The following NRG2 variants were observed in gnomAD, a reference collection of about 807,000 sequenced individuals.
NRG2 encodes the protein pro-neuregulin-2, membrane-bound isoform.
NRG2 carries 27 observed loss-of-function variants against 73.9 expected under a neutral mutation model. The observed-to-expected ratio is 0.37, with a 90% confidence interval of 0.27 to 0.50. The LOEUF (loss-of-function observed/expected upper bound fraction) is 0.50, where lower values mean the gene tolerates loss of function less well. Among genes scored for constraint, NRG2 ranks in the 20% least tolerant of loss-of-function variants. The probability of loss-of-function intolerance (pLI) is 0.96; values close to 1 mark genes in which losing one functional copy is unlikely to be tolerated. For synonymous variants in NRG2, 532 were observed against 541.0 expected (o/e 0.98, Z 0.23); for missense variants, 1,126 against 1,210.1 (o/e 0.93, Z 1.03).
intron 1 of NRG2, among the ~76,000 whole-genome samples, chr5:140,006,179 A>G (rs1758882907): frequency 1.3e-5 from 2 of 152,336 alleles, no homozygotes; most frequent in African/African-American, 2.4e-5. Context: ...TGTGATCAGT[A>G]CATGTTCTGC....
chr5:139,904,168 G>T lies in NRG2; in HGVS notation c.701-16657C>A. 2.5e-6 allele frequency: 2 copies of T among 809,398 alleles called. No individual in the cohort carries two copies. The highest frequency in any genetic ancestry group is 3.4e-6 in the Non-Finnish European group (2 of 585,606). The allele number at this position is 809,398 out of a possible 1,614,324, so 50.1% of individuals were successfully genotyped here. A position where few individuals can be genotyped will look rare whatever the true frequency, so the allele number is the denominator to read the frequency against. ...GCCGCGACGACCCGCTCGCACGCAG[G>T]CACGCGCGCCCTCGGTGCCTGTCAC... On this transcript the variant is annotated intron_variant, in intron 1 of 9. Transcript: ENST00000361474. The surrounding 1 kb of genome is among the most constrained non-coding windows in gnomAD (Gnocchi z 6.0).
chr5:140,022,409 A>G (rs1760315260), intron 1 of NRG2, among the ~76,000 whole-genome samples: 1 of 152,104 alleles, frequency 6.6e-6, no homozygotes, highest in South Asian at 2.1e-4. Flanking sequence ...TTATGATTTC[A>G]CCATTTGCCA....
rs921680869 is a variant in NRG2, at chr5:139,856,875, C to T, written c.1190-1097G>A. 6.6e-6 allele frequency among the ~76,000 whole-genome samples: 1 copy of T among 152,186 alleles called. No homozygotes were observed. Among genetic ancestry groups the T allele is most frequent in the African/African-American group, 2.4e-5 (1 of 41,428 alleles). On this transcript the variant is annotated intron_variant, in intron 5 of 9. Coordinates refer to ENST00000361474, the MANE Select transcript of NRG2 (RefSeq NM_004883.3). This position sits in a 1 kb window ranked among gnomAD's most constrained non-coding sequence, Gnocchi z 4.2. ...ACAGGTGCACACACACGCCCATGCC[C>T]ACTGACACACAGTTGGATGGAGTTG...
intron 1 of NRG2, among the ~76,000 whole-genome samples, chr5:140,027,607 T>C (rs998989496): frequency 6.6e-6 from 1 of 152,252 alleles, no homozygotes; most frequent in African/African-American, 2.4e-5. Flanking sequence ...TATATTGTTA[T>C]AATTGTTCTG....
chr5:139,959,120 G>C (rs1754865604), intron 1 of NRG2, among the ~76,000 whole-genome samples: 1 of 152,238 alleles, frequency 6.6e-6, no homozygotes, highest in Non-Finnish European at 1.5e-5. Context: ...CCACCACTGA[G>C]AAGGTGAGCA....
intron 1 of NRG2, among the ~76,000 whole-genome samples, chr5:139,922,851 GA>G (rs1175368748): frequency 1.3e-5 from 2 of 152,206 alleles, no homozygotes; most frequent in Non-Finnish European, 2.9e-5. Flanking sequence ...AAGCCAATCG[GA>G]AAAGGCTACA....
At position 139,852,240 on chromosome 5, in the gene NRG2, T is replaced by C. The variant is rs1761485661; in HGVS notation, c.1544+192A>G. ...AGAAGGGAGCCAGCCATGTTATTTTTGAGTTGTCTGAGCCTTTGTGCTGTG... is the reference window on the plus strand; with the variant it reads ...AGAAGGGAGCCAGCCATGTTATTTTCGAGTTGTCTGAGCCTTTGTGCTGTG... On this transcript the variant is annotated intron_variant, in intron 8 of 9. Coordinates refer to ENST00000361474, the MANE Select transcript of NRG2 (RefSeq NM_004883.3). This position sits in a 1 kb window ranked among gnomAD's most constrained non-coding sequence, Gnocchi z 4.4. Among the ~76,000 whole-genome samples the C allele has an allele frequency of 6.6e-6, 1 of 152,196 alleles. No homozygotes were observed. The highest frequency in any genetic ancestry group is 1.5e-5 in the Non-Finnish European group (1 of 68,030).
chr5:139,910,649 C>A (rs897609951), intron 1 of NRG2, among the ~76,000 whole-genome samples: 4 of 152,170 alleles, frequency 2.6e-5, no homozygotes, highest in African/African-American at 9.7e-5. Context: ...AGGCCCTTTC[C>A]AATAGTGATT....
intron 1 of NRG2, among the ~76,000 whole-genome samples, chr5:139,926,837 G>A (rs1017708983): frequency 6.6e-6 from 1 of 152,134 alleles, no homozygotes; most frequent in Non-Finnish European, 1.5e-5. Context: ...TCCCTCCATG[G>A]ATTGAATCTC....
intron 1 of NRG2, among the ~76,000 whole-genome samples, chr5:139,922,702 A>G (rs946716013): frequency 1.3e-5 from 2 of 152,262 alleles, no homozygotes; most frequent in Admixed American, 6.5e-5. Context: ...AGCTACCAAG[A>G]TGTCCTTCAG....
intron 1 of NRG2, among the ~76,000 whole-genome samples, chr5:139,982,384 C>T (rs1000663147): frequency 2.0e-5 from 3 of 152,008 alleles, no homozygotes; most frequent in African/African-American, 7.2e-5. Context: ...GGATCCAAAC[C>T]GCCAGGACTG....
At chr5:140,029,578 A>G (rs973369059) in intron 1 of NRG2, among the ~76,000 whole-genome samples, 2 of 151,752 alleles carry the variant, frequency 1.3e-5, no homozygotes, top group African/African-American at 4.8e-5. Flanking sequence ...TTTAAAAGTC[A>G]GCTCCAGGCT....
At chr5:139,859,336 A>G (rs3822741) in intron 5 of NRG2, among the ~76,000 whole-genome samples, 124,626 of 152,116 alleles carry the variant, frequency 0.82, 51,458 homozygotes, top group African/African-American at 0.91. Context: ...TGGCAAAGCC[A>G]GGCAGACAGA....
intron 3 of NRG2, among the ~76,000 whole-genome samples, chr5:139,873,528 G>A (rs1245992764): frequency 2.0e-5 from 3 of 152,266 alleles, no homozygotes; most frequent in African/African-American, 7.2e-5. Flanking sequence ...TGCAGTGTGT[G>A]TTGCAACAGA....
At chr5:139,877,711 G>C (rs1441767767) in intron 3 of NRG2, among the ~76,000 whole-genome samples, 1 of 152,234 alleles carries the variant, frequency 6.6e-6, no homozygotes, top group Non-Finnish European at 1.5e-5. Context: ...TAGGTGCACA[G>C]GATGTCAGCC....
At chr5:140,024,779 A>C (rs1164750149) in intron 1 of NRG2, among the ~76,000 whole-genome samples, 1 of 152,198 alleles carries the variant, frequency 6.6e-6, no homozygotes, top group African/African-American at 2.4e-5. Context: ...CTCAGAAGGA[A>C]ATACAGGGGA....
chr5:139,997,505 T>C (rs1222090347), intron 1 of NRG2, among the ~76,000 whole-genome samples: 1 of 152,202 alleles, frequency 6.6e-6, no homozygotes, highest in Non-Finnish European at 1.5e-5. Flanking sequence ...ACATGCTCTT[T>C]AGTGAAAGAG....
At chr5:139,925,405 T>C (rs917346020) in intron 1 of NRG2, among the ~76,000 whole-genome samples, 2 of 152,184 alleles carry the variant, frequency 1.3e-5, no homozygotes, top group African/African-American at 2.4e-5. Context: ...TTCAAGGAAC[T>C]TCCACACTGG....
At position 139,876,925 on chromosome 5, in the gene NRG2, CTGTGTGTGTGTGTG is replaced by C. The variant is rs3082489; in HGVS notation, c.991+3917_991+3930del. ...ATGCGTGACTGACATGAATGTGCAT[CTGTGTGTGTGTGTG>C]TGTGTGTGTGTGTGTGTGTGTGTGT... On this transcript the variant is annotated intron_variant, in intron 3 of 9. Transcript: ENST00000361474. Among the ~76,000 whole-genome samples the C allele has an allele frequency of 3.9e-4, 56 of 141,902 alleles. 1 individual carries two copies. The highest frequency in any genetic ancestry group is 2.4e-4 in the South Asian group (1 of 4,152). 93.1% of individuals were successfully genotyped at this position (141,902 alleles called of 152,430 possible).
Sources: gnomAD v4.1 joint callset for allele counts (sites outside exome capture counted in the v4.1 genomes callset) on GRCh38, gnomAD v4.1.1 for gene constraint, Gnocchi (gnomAD v3.1) non-coding constraint, MANE v1.5 for transcripts, NCBI Gene and HGNC (gene_info 2026-07-23, HGNC 2026-07-21) for gene names.